The following ARHGAP12 variants were observed in gnomAD, a reference collection of about 807,000 sequenced individuals.
The protein encoded by ARHGAP12 is rho GTPase-activating protein 12.
In ARHGAP12, 64 loss-of-function variants were observed where a neutral mutation model predicts 108.6. That is an observed-to-expected ratio of 0.59 (90% confidence interval 0.48 to 0.73). ARHGAP12 has a LOEUF of 0.73. Among genes scored for constraint, ARHGAP12 ranks in the 30% least tolerant of loss-of-function variants. ARHGAP12 has a pLI of 0.00. For missense variants in ARHGAP12, 940 were observed against 1,005.9 expected, an observed-to-expected ratio of 0.93 and a Z score of 0.89; for synonymous variants, 312 against 337.2, an observed-to-expected ratio of 0.93 and a Z score of 0.82.
At chr10:31,831,942 T>C in intron 9 of ARHGAP12, 142 bp from the exon 10 acceptor site, 1 of 446,930 alleles carries the variant, frequency 2.2e-6, no homozygotes, top group South Asian at 6.0e-5. Flanking sequence ...TGCGTAGTTC[T>C]AGAATACATT....
At chr10:31,832,012 C>G (rs959103164) in intron 9 of ARHGAP12, among the ~76,000 whole-genome samples, 5 of 152,132 alleles carry the variant, frequency 3.3e-5, no homozygotes, top group Non-Finnish European at 5.9e-5. Context: ...TTAAACACTT[C>G]TTTTTCTCCT....
At chr10:31,850,048 T>C (rs1240343742) in intron 6 of ARHGAP12, among the ~76,000 whole-genome samples, 1 of 152,140 alleles carries the variant, frequency 6.6e-6, no homozygotes, top group Admixed American at 6.5e-5. Flanking sequence ...GACCCTGACC[T>C]GGGACAAATC....
chr10:31,816,837 C>T (rs577138906), intron 13 of ARHGAP12, among the ~76,000 whole-genome samples: 60 of 152,102 alleles, frequency 3.9e-4, no homozygotes, highest in Middle Eastern at 3.4e-3. Flanking sequence ...CAGGAATAAA[C>T]GGAAAAGAAA....
chr10:31,808,845 G>T, intron 18 of ARHGAP12, 94 bp from the exon 19 acceptor site: 1 of 1,372,594 alleles, frequency 7.3e-7, no homozygotes, highest in Non-Finnish European at 1.0e-6. Context: ...GTAATACACA[G>T]TGACATCTGG....
intron 1 of ARHGAP12, among the ~76,000 whole-genome samples, chr10:31,922,898 C>G (rs563735849): frequency 9.9e-5 from 15 of 152,098 alleles, no homozygotes; most frequent in Non-Finnish European, 1.9e-4. Flanking sequence ...GAAGTCGAGA[C>G]AAGAGGATCA....
chr10:31,893,274 G>A (rs1838532179), intron 3 of ARHGAP12, among the ~76,000 whole-genome samples: 2 of 152,094 alleles, frequency 1.3e-5, no homozygotes. Flanking sequence ...AGGAGACAGA[G>A]ACACAAAAAA....
intron 3 of ARHGAP12, among the ~76,000 whole-genome samples, chr10:31,881,709 T>G (rs1361905435): frequency 6.6e-6 from 1 of 152,188 alleles, no homozygotes; most frequent in Non-Finnish European, 1.5e-5. Flanking sequence ...AAGTCCAGAC[T>G]ATTACTCACT....
Position 31,830,795 on chromosome 10 carries a change from C to T in ARHGAP12, c.1448+944G>A, listed in dbSNP as rs189048708. Among the ~76,000 whole-genome samples, 400 of 152,186 alleles carry T rather than the reference C, an allele frequency of 2.6e-3. 2 individuals are homozygous for T. The highest frequency in any genetic ancestry group is 4.3e-3 in the Non-Finnish European group (292 of 67,984). The stretch of plus-strand genomic sequence containing the variant: ...GAAACAATTCAACAAAAAGGAAATA[C>T]CAACAATTTATGATACTGTAACCTA... On this transcript the variant is annotated intron_variant, in intron 10 of 19. Coordinates refer to ENST00000344936, the MANE Select transcript of ARHGAP12 (RefSeq NM_018287.7).
intron 3 of ARHGAP12, among the ~76,000 whole-genome samples, chr10:31,882,524 T>G (rs1206190850): frequency 6.6e-6 from 1 of 151,752 alleles, no homozygotes; most frequent in Non-Finnish European, 1.5e-5. Flanking sequence ...TCTTTAAGAG[T>G]AGAAACTAGG....
intron 3 of ARHGAP12, among the ~76,000 whole-genome samples, chr10:31,882,483 A>G (rs1838010655): frequency 6.6e-6 from 1 of 152,182 alleles, no homozygotes; most frequent in South Asian, 2.1e-4. Flanking sequence ...CTAATGCTGG[A>G]GAGTGGAACA....
intron 3 of ARHGAP12, among the ~76,000 whole-genome samples, chr10:31,889,627 T>G (rs1197279772): frequency 2.2e-5 from 3 of 134,896 alleles, no homozygotes; most frequent in Non-Finnish European, 3.1e-5. Context: ...TCGTTTTTTT[T>G]TTTTTTTTTT....
chr10:31,919,149 T>C (rs776552919), intron 1 of ARHGAP12, among the ~76,000 whole-genome samples: 1 of 152,202 alleles, frequency 6.6e-6, no homozygotes, highest in African/African-American at 2.4e-5. Flanking sequence ...TATGATTTCA[T>C]GTATATAAGG....
At position 31,820,038 on chromosome 10, in the gene ARHGAP12, C is replaced by A. The variant is rs563592099; in HGVS notation, c.1632+349G>T. ...AGAAGATATAGAGATATCCCATACA[C>A]CCCCTGCCCACCCCCACACACAGCC... On this transcript the variant is annotated intron_variant, in intron 12 of 19. Transcript: ENST00000344936. 4.7e-5 allele frequency among the ~76,000 whole-genome samples: 7 copies of A among 148,580 alleles called. No individual in the cohort carries two copies. In the East Asian group the frequency reaches 7.7e-4, roughly 16 times the overall value.
chr10:31,826,318 T>G lies in ARHGAP12; in HGVS notation c.1516A>C (p.Ser506Arg). The change falls in exon 11 of 20, where the codon AGT becomes CGT. Residue 506 changes from serine to arginine, a missense_variant. By Grantham distance (110) the Ser-to-Arg change is moderately radical (BLOSUM62 -1). Coordinates refer to ENST00000344936, the MANE Select transcript of ARHGAP12 (RefSeq NM_018287.7). ...GAAATACTTACCCAACTTGTGCTAC[T>G]TCCTTGAGTTTTGGTAAAAAGTAAA... Reference protein sequence around the residue: ...SSLLFTKTQGSSTSWFGSNQS... With the variant: ...SSLLFTKTQGRSTSWFGSNQS... 6.2e-7 allele frequency: 1 copy of G among 1,611,820 alleles called. No individual in the cohort carries two copies. The highest frequency in any genetic ancestry group is 8.5e-7 in the Non-Finnish European group (1 of 1,178,738).
At chr10:31,924,201 G>A (rs1839935857) in intron 1 of ARHGAP12, among the ~76,000 whole-genome samples, 1 of 152,124 alleles carries the variant, frequency 6.6e-6, no homozygotes, top group Admixed American at 6.5e-5. Context: ...CCCTCTTCTA[G>A]GTATTTACCC....
chr10:31,927,862 T>C (rs1259306375), intron 1 of ARHGAP12, among the ~76,000 whole-genome samples: 1 of 152,168 alleles, frequency 6.6e-6, no homozygotes, highest in Admixed American at 6.5e-5. Context: ...GGACAGCCGT[T>C]CTGAGAAGAC....
intron 3 of ARHGAP12, among the ~76,000 whole-genome samples, chr10:31,886,234 A>G (rs1838184067): frequency 6.6e-6 from 1 of 152,242 alleles, no homozygotes. Context: ...TTCTCTAGAA[A>G]GAAAACAGGG....
intron 6 of ARHGAP12, among the ~76,000 whole-genome samples, chr10:31,844,299 A>G (rs1362174713): frequency 1.3e-5 from 2 of 152,184 alleles, no homozygotes; most frequent in Non-Finnish European, 2.9e-5. Flanking sequence ...CTGCAGACAA[A>G]GATATTCTTT....
chr10:31,848,217 C>A (rs1317520274), intron 6 of ARHGAP12, among the ~76,000 whole-genome samples: 2 of 152,142 alleles, frequency 1.3e-5, no homozygotes, highest in Non-Finnish European at 2.9e-5. Flanking sequence ...CAAAGGTACA[C>A]AACAAAGAAC....
Sources: allele counts gnomAD v4.1 joint callset (sites outside exome capture counted in the v4.1 genomes callset), GRCh38; gene constraint gnomAD v4.1.1; transcripts MANE v1.5; gene names NCBI Gene and HGNC (gene_info 2026-07-23, HGNC 2026-07-21).